MACF1: variants seen among roughly 807,000 people sequenced by gnomAD.
The protein encoded by MACF1 is microtubule actin crosslinking factor 1, also known as microtubule-actin cross-linking factor 1.
MACF1 carries 193 observed loss-of-function variants against 854.8 expected under a neutral mutation model. The ratio of observed to expected loss-of-function variants is 0.23; its 90% CI spans 0.20 to 0.25. The LOEUF is 0.25. Among genes scored for constraint, MACF1 ranks in the 10% least tolerant of loss-of-function variants. MACF1 has a pLI of 1.00. For synonymous variants in MACF1, 3,185 were observed against 3,226.7 expected, an observed-to-expected ratio of 0.99 and a Z score of 0.44; for missense variants, 7,722 against 8,929.1, an observed-to-expected ratio of 0.86 and a Z score of 5.45.
At chr1:39,250,852 C>T (rs1232554118) in intron 3 of MACF1, among the ~76,000 whole-genome samples, 1 of 152,144 alleles carries the variant, frequency 6.6e-6, no homozygotes. Context: ...TGTAGGCCTA[C>T]TGTTTTCTAT....
chr1:39,102,193 AAGAG>A lies in MACF1; in HGVS notation c.220+17771_220+17774del, dbSNP rs61576279. ...CCGTCAAAAAAAAAGAAGAAAAAGA[AAGAG>A]AGAGAGAGAGAGAGAAAGAGAGAGA... is the stretch of plus-strand genomic sequence containing the variant. On this transcript the variant is annotated intron_variant, in intron 2 of 93. Transcript: ENST00000361689. Among the ~76,000 whole-genome samples the A allele has an allele frequency of 4.0e-3, 597 of 148,146 alleles. 7 individuals carry two copies. Among genetic ancestry groups the A allele is most frequent in the Middle Eastern group, 0.014 (4 of 292 alleles).
intron 58 of MACF1, chr1:39,413,898 C>T: frequency 1.2e-6 from 2 of 1,608,080 alleles, no homozygotes; most frequent in Non-Finnish European, 1.7e-6. Context: ...TGGTGGCCAC[C>T]CTAGAGGAAT....
chr1:39,376,807 C>G (rs1649762710), intron 52 of MACF1, among the ~76,000 whole-genome samples: 1 of 151,960 alleles, frequency 6.6e-6, no homozygotes, highest in Non-Finnish European at 1.5e-5. Flanking sequence ...CTTTGACCTC[C>G]TAGGCCCACG....
chr1:39,202,177 A>G (rs1298513647), upstream of MACF1, among the ~76,000 whole-genome samples: 1 of 148,804 alleles, frequency 6.7e-6, no homozygotes, highest in Non-Finnish European at 1.5e-5. Context: ...GGTGTTAGCC[A>G]TGATGGTCTC....
chr1:39,143,170 T>C (rs183661812), intron 2 of MACF1, among the ~76,000 whole-genome samples: 52 of 152,336 alleles, frequency 3.4e-4, no homozygotes, highest in Admixed American at 2.0e-3. Context: ...AACCCTTGAA[T>C]TTTTATTCTT....
chr1:39,299,760 A>G (rs1646002957), intron 21 of MACF1, among the ~76,000 whole-genome samples: 1 of 152,226 alleles, frequency 6.6e-6, no homozygotes, highest in Non-Finnish European at 1.5e-5. Flanking sequence ...AAAAATTTAA[A>G]TAAGTATAAC....
At chr1:39,263,561 A>G (rs1645189852) in intron 6 of MACF1, among the ~76,000 whole-genome samples, 1 of 152,064 alleles carries the variant, frequency 6.6e-6, no homozygotes, top group African/African-American at 2.4e-5. Context: ...AAAGTAATAA[A>G]ACATCTCAGA....
intron 2 of MACF1, among the ~76,000 whole-genome samples, chr1:39,197,222 AATAAAT>A (rs1298235408): frequency 6.6e-6 from 1 of 151,672 alleles, no homozygotes; most frequent in Non-Finnish European, 1.5e-5. Flanking sequence ...ACATATATAT[AATAAAT>A]ATAAATATAA....
chr1:39,426,301 C>CT (rs1015992797), intron 61 of MACF1, among the ~76,000 whole-genome samples: 1 of 152,096 alleles, frequency 6.6e-6, no homozygotes, highest in Non-Finnish European at 1.5e-5. Context: ...AAAATGCCAA[C>CT]TTTTTTTATT....
chr1:39,458,857 G>A (rs184295744), intron 90 of MACF1: 164 of 526,934 alleles, frequency 3.1e-4, no homozygotes, highest in Middle Eastern at 2.5e-3. Flanking sequence ...GCTCACTAAG[G>A]TAGGACAGAA....
intron 22 of MACF1, among the ~76,000 whole-genome samples, chr1:39,302,166 TTTG>T (rs1317479751): frequency 6.6e-6 from 1 of 152,092 alleles, no homozygotes; most frequent in Non-Finnish European, 1.5e-5. Flanking sequence ...CCGGCTAATT[TTTG>T]TTATTTTTTG....
At chr1:39,154,380 C>T (rs1643641175) in intron 2 of MACF1, 1 of 152,096 alleles carries the variant, frequency 6.6e-6, no homozygotes, top group Admixed American at 6.5e-5. Flanking sequence ...TCAGTGCCTC[C>T]TACCTGGTAA....
rs770929137 is a variant in MACF1 at position 39,380,259 on chromosome 1, T to C, written c.13534T>C (p.Leu4512=). The C allele has an allele frequency of 1.2e-6, 2 of 1,613,122 alleles. No individual in the cohort carries two copies. The highest frequency in any genetic ancestry group is 2.7e-5 in the African/African-American group (2 of 74,858). Residue 4512 remains leucine, a synonymous_variant, in exon 55 of 101, where the codon TTG becomes CTG. Transcript: ENST00000564288. ...AESNKAFLAE[L]EQNSPKIQKV... ...TTTCTCCTAGGCCTTCCTGGCTGAG[T>C]TGGAACAGAATTCTCCAAAAATTCA...
chr1:39,174,864 T>C (rs993410910), intron 2 of MACF1, among the ~76,000 whole-genome samples: 1 of 152,204 alleles, frequency 6.6e-6, no homozygotes, highest in African/African-American at 2.4e-5. Flanking sequence ...GTGACTCTAC[T>C]ACCAGGTCTG....
intron 49 of MACF1, among the ~76,000 whole-genome samples, chr1:39,362,729 T>A (rs954545314): frequency 6.6e-6 from 1 of 152,214 alleles, no homozygotes; most frequent in African/African-American, 2.4e-5. Flanking sequence ...AGTCCCACTT[T>A]TAGTGGGGAA....
intron 2 of MACF1, among the ~76,000 whole-genome samples, chr1:39,087,321 G>A (rs1641697341): frequency 1.3e-5 from 2 of 152,168 alleles, no homozygotes; most frequent in Admixed American, 1.3e-4. Flanking sequence ...CCTTTCCCTG[G>A]CCCACTCCGT....
rs552588079 is a variant in MACF1 at position 39,334,721 on chromosome 1, A to C, written c.8133A>C (p.Lys2711Asn). 1.2e-6 allele frequency: 2 copies of C among 1,614,132 alleles called. No homozygotes were observed. Among genetic ancestry groups the C allele is most frequent in the East Asian group, 4.5e-5 (2 of 44,878 alleles). The change falls in exon 37 of 101, where the codon AAA (lysine) becomes AAC (asparagine). Residue 2711 changes from lysine (K) to asparagine (N), a missense_variant. Coordinates refer to ENST00000564288, the MANE Select transcript of MACF1 (RefSeq NM_001394062.1). Reference protein sequence around the residue: ...RLTLASALEEKLVDENMVRII... With the variant: ...RLTLASALEENLVDENMVRII... ...CATTGGCATCAGCTTTGGAAGAGAAACTGGTGGATGAAAACATGGTCAGAA... is the reference window on the plus strand; with the variant it reads ...CATTGGCATCAGCTTTGGAAGAGAACCTGGTGGATGAAAACATGGTCAGAA...
chr1:39,313,812 A>T (rs1477286034), intron 26 of MACF1, among the ~76,000 whole-genome samples: 1 of 151,938 alleles, frequency 6.6e-6, no homozygotes, highest in Non-Finnish European at 1.5e-5. Flanking sequence ...ATGAGGTCTC[A>T]CTATATTACC....
intron 2 of MACF1, among the ~76,000 whole-genome samples, chr1:39,141,563 G>A (rs1296491394): frequency 6.6e-6 from 1 of 152,168 alleles, no homozygotes; most frequent in African/African-American, 2.4e-5. Flanking sequence ...TATATCATAG[G>A]ATTCTGACGG....
Sources: gnomAD v4.1 joint callset for allele counts (sites outside exome capture counted in the v4.1 genomes callset) on GRCh38, gnomAD v4.1.1 for gene constraint, MANE v1.5 for transcripts, NCBI Gene and HGNC (gene_info 2026-07-23, HGNC 2026-07-21) for gene names.